The following RAPH1 variants were observed in gnomAD, a reference collection of about 807,000 sequenced individuals.
The protein encoded by RAPH1 is ras-associated and pleckstrin homology domains-containing protein 1.
RAPH1 carries 18 observed loss-of-function variants against 88.1 expected under a neutral mutation model. The ratio of observed to expected loss-of-function variants is 0.20; its 90% CI spans 0.14 to 0.30. RAPH1 has a LOEUF of 0.30. Among genes scored for constraint, RAPH1 ranks in the 10% least tolerant of loss-of-function variants. RAPH1 has a pLI of 1.00. For missense variants in RAPH1, 1,448 were observed against 1,543.2 expected, an observed-to-expected ratio of 0.94 and a Z score of 1.03; for synonymous variants, 587 against 559.0, an observed-to-expected ratio of 1.05 and a Z score of -0.71.
At position 203,516,471 on chromosome 2, in the gene RAPH1, G is replaced by A. The variant is rs192167651; in HGVS notation, c.-1+18640C>T. ...TCAATTGAAAGAGATTTTTGTTGGC[G>A]GGGCGTGATGGCTCACGCCTGTAAT... On this transcript the variant is annotated intron_variant, in intron 1 of 13. Transcript: ENST00000319170. 1.4e-3 allele frequency among the ~76,000 whole-genome samples: 206 copies of A among 152,262 alleles called. 2 individuals are homozygous for A. Among genetic ancestry groups the A allele is most frequent in the African/African-American group, 4.5e-3 (189 of 41,564 alleles).
intron 1 of RAPH1, among the ~76,000 whole-genome samples, chr2:203,513,351 C>CT (rs35194583): frequency 0.018 from 1,524 of 86,882 alleles, 92 homozygotes; most frequent in African/African-American, 0.038. Flanking sequence ...TTCTCTCAAT[C>CT]TTTTTTTTTT....
In RAPH1 at chr2:203,441,335, AG is replaced by A. The variant is rs776954455; in HGVS notation, c.1854del (p.Tyr619ThrfsTer52). On this transcript the variant is annotated frameshift_variant, in exon 14 of 14. Transcript: ENST00000319170. LOFTEE classifies it low-confidence loss of function (END_TRUNC). Reference sequence around the variant, plus strand: ...GGTGGTGAAGGCTGTGAAGCAGTGTAGGGGGTGACTATCTTAGGTTGCGGGG... The same window carrying A: ...GGTGGTGAAGGCTGTGAAGCAGTGTAGGGGTGACTATCTTAGGTTGCGGGG... ...PLSPQPKIVT[P>X]YTASQPSPPL... 72 of 1,554,474 alleles carry A rather than the reference AG, an allele frequency of 4.6e-5. No homozygotes were observed. Among genetic ancestry groups the A allele is most frequent in the Admixed American group, 7.1e-5 (4 of 56,080 alleles).
At chr2:203,455,866 A>T (rs1380578705) in intron 8 of RAPH1, among the ~76,000 whole-genome samples, 1 of 150,598 alleles carries the variant, frequency 6.6e-6, no homozygotes, top group African/African-American at 2.4e-5. Context: ...AAAAAAAGCC[A>T]GGCATGGTGG....
chr2:203,493,971 CAAAAAA>C (rs397937732), intron 2 of RAPH1, among the ~76,000 whole-genome samples: 3 of 18,960 alleles, frequency 1.6e-4, no homozygotes, highest in Non-Finnish European at 2.4e-4. Context: ...GACTCTATCT[CAAAAAA>C]AAAAAAAAAA....
chr2:203,533,087 T>G (rs1398038818), intron 1 of RAPH1, among the ~76,000 whole-genome samples: 1 of 152,078 alleles, frequency 6.6e-6, no homozygotes, highest in Non-Finnish European at 1.5e-5. Context: ...AAGACAATGG[T>G]TAAAAACACC....
At chr2:203,522,641 C>T (rs1179252690) in intron 1 of RAPH1, among the ~76,000 whole-genome samples, 2 of 152,042 alleles carry the variant, frequency 1.3e-5, no homozygotes, top group African/African-American at 4.8e-5. Context: ...GTGGCTCACA[C>T]CTGTAATCCC....
At chr2:203,472,080 C>T (rs1359142904) in intron 4 of RAPH1, among the ~76,000 whole-genome samples, 2 of 150,528 alleles carry the variant, frequency 1.3e-5, no homozygotes, top group Non-Finnish European at 3.0e-5. Flanking sequence ...AAACAAAGAA[C>T]AAAAAGCACA....
Position 203,488,588 on chromosome 2 carries a change from T to TAAAAAA in RAPH1, c.732+990_732+995dup, listed in dbSNP as rs750783858. Among the ~76,000 whole-genome samples, 99 of 36,662 alleles carry TAAAAAA rather than the reference T, an allele frequency of 2.7e-3. 1 individual carries two copies. The highest frequency in any genetic ancestry group is 3.7e-3 in the Non-Finnish European group (78 of 21,224). 24.1% of individuals were successfully genotyped at this position (36,662 alleles called of 152,430 possible). On this transcript the variant is annotated intron_variant, in intron 4 of 13. Coordinates refer to ENST00000319170, the MANE Select transcript of RAPH1 (RefSeq NM_213589.3). ...GGCGACAGAATGAGACTCCGTCTAT[T>TAAAAAA]AAAAAAAAAAAAAAAAAAAAAAAAA...
intron 7 of RAPH1, among the ~76,000 whole-genome samples, chr2:203,459,007 C>A (rs1237616564): frequency 6.6e-6 from 1 of 152,104 alleles, no homozygotes; most frequent in Non-Finnish European, 1.5e-5. Flanking sequence ...TGTGATCCAT[C>A]CACCTCAGAC....
In RAPH1 at chr2:203,438,411, G is replaced by A. The variant is rs1187327678; in HGVS notation, c.*1026C>T. 2.9e-6 allele frequency: 1 copy of A among 340,266 alleles called. No individual in the cohort carries two copies. Among genetic ancestry groups the A allele is most frequent in the African/African-American group, 2.2e-5 (1 of 46,244 alleles). 21.1% of individuals were successfully genotyped at this position (340,266 alleles called of 1,614,324 possible). On this transcript the variant is annotated 3_prime_UTR_variant, in exon 14 of 14. Coordinates refer to ENST00000319170, the MANE Select transcript of RAPH1 (RefSeq NM_213589.3). ...CATAATGCACCATATTGGGGCACAG[G>A]ATGTGTATATTTCATATACCAATTG...
At chr2:203,478,559 A>G (rs566794163) in intron 4 of RAPH1, among the ~76,000 whole-genome samples, 1 of 151,712 alleles carries the variant, frequency 6.6e-6, no homozygotes, top group African/African-American at 2.4e-5. Context: ...GCACGATCTC[A>G]GCTCACTGCA....
intron 4 of RAPH1, among the ~76,000 whole-genome samples, chr2:203,482,685 C>G (rs1056159742): frequency 6.6e-6 from 1 of 151,966 alleles, no homozygotes; most frequent in Non-Finnish European, 1.5e-5. Flanking sequence ...TGCCTGAGGA[C>G]CCAGCTACTC....
intron 1 of RAPH1, among the ~76,000 whole-genome samples, chr2:203,498,695 AC>A (rs1280728621): frequency 6.6e-6 from 1 of 152,240 alleles, no homozygotes. Flanking sequence ...ACTTCTGAGA[AC>A]AGAGTGTAAC....
chr2:203,472,319 A>T (rs1348944302), intron 4 of RAPH1, among the ~76,000 whole-genome samples: 1 of 152,026 alleles, frequency 6.6e-6, no homozygotes, highest in Non-Finnish European at 1.5e-5. Flanking sequence ...TTTATTAGAG[A>T]CAGAGTTTCG....
At chr2:203,514,171 T>C (rs1159216293) in intron 1 of RAPH1, among the ~76,000 whole-genome samples, 4 of 152,022 alleles carry the variant, frequency 2.6e-5, no homozygotes, top group East Asian at 1.9e-4. Context: ...CGGAGTAAGG[T>C]ATCTGCTGCC....
chr2:203,505,971 G>A lies in RAPH1; in HGVS notation c.1-10618C>T, dbSNP rs184442655. Among the ~76,000 whole-genome samples the A allele has an allele frequency of 7.5e-4, 114 of 152,304 alleles. 1 individual carries two copies. Among genetic ancestry groups the A allele is most frequent in the African/African-American group, 2.5e-3 (104 of 41,568 alleles). On this transcript the variant is annotated intron_variant, in intron 1 of 13. Transcript: ENST00000319170. Reference sequence around the variant, plus strand: ...ATGTCCACTCCAGCCTCAACTAGAAGTAGAAGCTGCAACTTCATTCCTCTT... The same window carrying A: ...ATGTCCACTCCAGCCTCAACTAGAAATAGAAGCTGCAACTTCATTCCTCTT...
chr2:203,489,475 G>A, intron 4 of RAPH1, 109 bp downstream of exon 4: 2 of 844,582 alleles, frequency 2.4e-6, no homozygotes, highest in South Asian at 7.4e-5. Context: ...AAGTATCTTT[G>A]ACAAATTATA....
At chr2:203,497,685 ATCACTC>A (rs1347964654) in intron 1 of RAPH1, among the ~76,000 whole-genome samples, 7 of 152,192 alleles carry the variant, frequency 4.6e-5, no homozygotes, top group Non-Finnish European at 7.4e-5. Flanking sequence ...TTAATCTTTT[ATCACTC>A]TAATCATATA....
chr2:203,529,264 G>A (rs553115752), intron 1 of RAPH1, among the ~76,000 whole-genome samples: 5 of 151,564 alleles, frequency 3.3e-5, no homozygotes, highest in African/African-American at 7.3e-5. Flanking sequence ...ATGAGCCACC[G>A]CACCTGGCCT....
Sources: allele counts gnomAD v4.1 joint callset (sites outside exome capture counted in the v4.1 genomes callset), GRCh38; gene constraint gnomAD v4.1.1; transcripts MANE v1.5; gene names NCBI Gene and HGNC (gene_info 2026-07-23, HGNC 2026-07-21).